The following AVP variants were observed in gnomAD, a reference collection of about 807,000 sequenced individuals.
AVP encodes the protein arginine vasopressin, also known as vasopressin-neurophysin 2-copeptin.
Under a neutral mutation model 11.1 loss-of-function variants are expected in AVP, and 9 were observed. The ratio of observed to expected loss-of-function variants is 0.81; its 90% CI spans 0.49 to 1.42. AVP has a LOEUF of 1.42. AVP is among the 40% of genes most tolerant of loss of function. The probability of loss-of-function intolerance (pLI) is 0.00; values close to 1 mark genes in which losing one functional copy is unlikely to be tolerated. For synonymous variants in AVP, 106 were observed against 111.3 expected, an observed-to-expected ratio of 0.95 and a Z score of 0.30; for missense variants, 206 against 238.5, an observed-to-expected ratio of 0.86 and a Z score of 0.90.
Position 3,083,455 on chromosome 20 carries a change from G to A in AVP, c.121-277C>T, listed in dbSNP as rs2066122041. On this transcript the variant is annotated intron_variant, in intron 1 of 2. Transcript: ENST00000380293. This position sits in a 1 kb window ranked among gnomAD's most constrained non-coding sequence, Gnocchi z 5.4. ...AGGGACGGGTCTCCCGTGGACTACA[G>A]CGTGGGGAACCCTTCCTCGAGCCTC... 6.6e-6 allele frequency among the ~76,000 whole-genome samples: 1 copy of A among 152,150 alleles called. No individual in the cohort carries two copies. Among genetic ancestry groups the A allele is most frequent in the Non-Finnish European group, 1.5e-5 (1 of 68,012 alleles).
Position 3,084,603 on chromosome 20 carries a change from G to A in AVP, c.72C>T (p.Asn24=), listed in dbSNP as rs750939534. The stretch of plus-strand genomic sequence containing the variant: ...TGGCCCTCTTGCCGCCCCTCGGGCA[G>A]TTCTGGAAGTAGCACGCGGAGGAGA... The part of the protein sequence containing the change: ...LAFSSACYFQ[N]CPRGGKRAMS... The change falls in exon 1 of 3, where the codon AAC becomes AAT. Residue 24 remains asparagine, a synonymous_variant. Transcript: ENST00000380293. 6.8e-6 allele frequency: 11 copies of A among 1,613,872 alleles called. No individual in the cohort carries two copies. The Admixed American group carries it at 1.3e-4, about 20-fold the overall frequency.
intron 1 of AVP, among the ~76,000 whole-genome samples, chr20:3,084,031 A>G (rs1337622892): frequency 2.0e-5 from 3 of 152,238 alleles, no homozygotes; most frequent in Admixed American, 1.3e-4. Flanking sequence ...GTCCAGCACT[A>G]TAGAATTAGG....
chr20:3,084,272 A>G (rs1378432491), intron 1 of AVP, among the ~76,000 whole-genome samples: 1 of 152,180 alleles, frequency 6.6e-6, no homozygotes, highest in Non-Finnish European at 1.5e-5. Flanking sequence ...TCCAGCCCCA[A>G]GCCCAGTCAC....
In AVP at chr20:3,083,172, G is replaced by T. The variant is rs539928673; in HGVS notation, c.127C>A (p.Pro43Thr). 4 of 1,493,928 alleles carry T rather than the reference G, an allele frequency of 2.7e-6. No individual in the cohort carries two copies. The Admixed American group carries it at 8.6e-5, about 32-fold the overall frequency. 92.5% of individuals were successfully genotyped at this position (1,493,928 alleles called of 1,614,324 possible). ...MSDLELRQCL[P>T]CGPGGKGRCF... ...CGGCCTTTGCCCCCGGGGCCGCAGG[G>T]GAGGCACTGCGGGGACGGGCGGGGT... Residue 43 changes from proline (P) to threonine (T), a missense_variant, in exon 2 of 3, where the codon CCC becomes ACC. By Grantham distance (38) the Pro-to-Thr change is conservative. Coordinates refer to ENST00000380293, the MANE Select transcript of AVP (RefSeq NM_000490.5). The surrounding 1 kb of genome is among the most constrained non-coding windows in gnomAD (Gnocchi z 5.4).
At position 3,082,864 on chromosome 20, in the gene AVP, C is replaced by G. The variant is rs917977387; in HGVS notation, c.323-62G>C. 848 of 1,223,954 alleles carry G rather than the reference C, an allele frequency of 6.9e-4. 7 individuals are homozygous for G. The African/African-American group carries it at 0.012, about 18-fold the overall frequency. The allele number at this position is 1,223,954 out of a possible 1,614,324, so 75.8% of individuals were successfully genotyped here. A position where few individuals can be genotyped will look rare whatever the true frequency, so the allele number is the denominator to read the frequency against. Reference sequence around the variant, plus strand: ...CGGGCGCAGCTCGGGGTGCGGGGGGCCCACACCCTCCCTGCCGGGCCCGAC... The same window carrying G: ...CGGGCGCAGCTCGGGGTGCGGGGGGGCCACACCCTCCCTGCCGGGCCCGAC... On this transcript the variant is annotated intron_variant, in intron 2 of 2. Transcript: ENST00000380293. This position sits in a 1 kb window ranked among gnomAD's most constrained non-coding sequence, Gnocchi z 4.7.
At position 3,082,947 on chromosome 20, in the gene AVP, C is replaced by CCG. The variant is rs2066118502; in HGVS notation, c.322+29_322+30insCG. Reference sequence around the variant, plus strand: ...CCCCACCCAAGCGGTCTGCGCCCCCCCCAGCCCCAGGCCCGCCCCCGCCGC... The same window carrying CCG: ...CCCCACCCAAGCGGTCTGCGCCCCCCCGCCAGCCCCAGGCCCGCCCCCGCCGC... On this transcript the variant is annotated intron_variant, in intron 2 of 2. Coordinates refer to ENST00000380293, the MANE Select transcript of AVP (RefSeq NM_000490.5). This position sits in a 1 kb window ranked among gnomAD's most constrained non-coding sequence, Gnocchi z 4.7. 1 of 1,346,826 alleles carries CCG rather than the reference C, an allele frequency of 7.4e-7. No homozygotes were observed. Among genetic ancestry groups the CCG allele is most frequent in the African/African-American group, 1.5e-5 (1 of 65,036 alleles). 83.4% of individuals were successfully genotyped at this position (1,346,826 alleles called of 1,614,324 possible). A position where few individuals can be genotyped will look rare whatever the true frequency, so the allele number is the denominator to read the frequency against.
rs759299430 is a variant in AVP at position 3,083,014 on chromosome 20, C to G, written c.285G>C (p.Gly95=). The change falls in exon 2 of 3, where the codon GGG becomes GGC. Residue 95 remains glycine (G), a synonymous_variant. Transcript: ENST00000380293. This position sits in a 1 kb window ranked among gnomAD's most constrained non-coding sequence, Gnocchi z 5.4. ...CQSGQKACGS[G]GRCAAFGVCC... Reference sequence around the variant, plus strand: ...AAACGCCGAAGGCGGCGCAGCGGCCCCCGCTCCCGCACGCCTTCTGGCCGG... The same window carrying G: ...AAACGCCGAAGGCGGCGCAGCGGCCGCCGCTCCCGCACGCCTTCTGGCCGG... 2 of 1,542,114 alleles carry G rather than the reference C, an allele frequency of 1.3e-6. No individual in the cohort carries two copies. The highest frequency in any genetic ancestry group is 1.7e-6 in the Non-Finnish European group (2 of 1,154,814).
rs1004084536 is a variant in AVP, at chr20:3,084,714, G to A, written c.-40C>T. ...GTGGACCCCGTATGCAGCACTGCTT[G>A]GTGGCTCTGTGCTGCTGCCTCTGCT... On this transcript the variant is annotated 5_prime_UTR_variant, in exon 1 of 3. Coordinates refer to ENST00000380293, the MANE Select transcript of AVP (RefSeq NM_000490.5). The A allele has an allele frequency of 1.2e-6, 2 of 1,610,692 alleles. No homozygotes were observed. Among genetic ancestry groups the A allele is most frequent in the African/African-American group, 1.3e-5 (1 of 74,918 alleles).
chr20:3,082,679 A>G lies in AVP; in HGVS notation c.446T>C (p.Leu149Pro). 7.8e-6 allele frequency: 10 copies of G among 1,287,548 alleles called. No individual in the cohort carries two copies. Among genetic ancestry groups the G allele is most frequent in the Non-Finnish European group, 9.8e-6 (10 of 1,020,784 alleles). The allele number at this position is 1,287,548 out of a possible 1,614,324, so 79.8% of individuals were successfully genotyped here. ...CTCGAAGGGCTCGGGCGCCCCGGCC[A>G]GCTGCACCAGCCGCAGCAGCAAGGC... is the stretch of plus-strand genomic sequence containing the variant. ...AGALLLRLVQLAGAPEPFEPA... is the reference protein window; with the variant it reads ...AGALLLRLVQPAGAPEPFEPA... Residue 149 changes from leucine (L) to proline (P), a missense_variant, in exon 3 of 3, where the codon CTG becomes CCG. This residue lies in a region of AVP where 106 missense variants were observed against 89.2 expected (regional missense o/e 1.19). Transcript: ENST00000380293. The surrounding 1 kb of genome is among the most constrained non-coding windows in gnomAD (Gnocchi z 4.7).
In AVP at chr20:3,082,967, C is replaced by A; in HGVS notation, c.322+10G>T. 1 of 1,444,124 alleles carries A rather than the reference C, an allele frequency of 6.9e-7. No homozygotes were observed. The highest frequency in any genetic ancestry group is 1.4e-5 in the South Asian group (1 of 72,238). The allele number at this position is 1,444,124 out of a possible 1,614,324, so 89.5% of individuals were successfully genotyped here. A position where few individuals can be genotyped will look rare whatever the true frequency, so the allele number is the denominator to read the frequency against. On this transcript the variant is annotated intron_variant, in intron 2 of 2. Transcript: ENST00000380293. The surrounding 1 kb of genome is among the most constrained non-coding windows in gnomAD (Gnocchi z 4.7). ...CCCCCCCCAGCCCCAGGCCCGCCCC[C>A]GCCGCGCACCGTCGTTGCAGCAAAC...
intron 1 of AVP, among the ~76,000 whole-genome samples, chr20:3,084,149 C>T (rs1338659044): frequency 6.6e-6 from 1 of 152,182 alleles, no homozygotes; most frequent in Non-Finnish European, 1.5e-5. Context: ...GAGGCTGGGG[C>T]TGGATGAGGA....
rs2066123855 is a variant in AVP, at chr20:3,083,774, A to G, written c.121-596T>C. On this transcript the variant is annotated intron_variant, in intron 1 of 2. Coordinates refer to ENST00000380293, the MANE Select transcript of AVP (RefSeq NM_000490.5). The surrounding 1 kb of genome is among the most constrained non-coding windows in gnomAD (Gnocchi z 5.4). ...GGCAGGGGCCTGAGACCTAGAGGCG[A>G]GCACGGACACCCAGGTGCCTCAGGA... 1.3e-5 allele frequency among the ~76,000 whole-genome samples: 2 copies of G among 152,176 alleles called. No individual in the cohort carries two copies. Among genetic ancestry groups the G allele is most frequent in the African/African-American group, 4.8e-5 (2 of 41,428 alleles).
Position 3,084,463 on chromosome 20 carries a change from C to G in AVP, c.120+92G>C, listed in dbSNP as rs777272590. On this transcript the variant is annotated intron_variant, in intron 1 of 2. Coordinates refer to ENST00000380293, the MANE Select transcript of AVP (RefSeq NM_000490.5). ...CCCGAACTTCCCCTAAAGGCTACCA[C>G]CACCCATGACTTCCCTCTTTCCTAG... 1.9e-6 allele frequency: 3 copies of G among 1,599,136 alleles called. No individual in the cohort carries two copies. In the Admixed American group the frequency reaches 5.0e-5, roughly 27 times the overall value.
In AVP at chr20:3,082,933, C is replaced by T; in HGVS notation, c.322+44G>A. On this transcript the variant is annotated intron_variant, in intron 2 of 2. Transcript: ENST00000380293. This position sits in a 1 kb window ranked among gnomAD's most constrained non-coding sequence, Gnocchi z 4.7. ...CAGGCCCGCGTCCCCCCCACCCAAG[C>T]GGTCTGCGCCCCCCCCAGCCCCAGG... is the stretch of plus-strand genomic sequence containing the variant. The T allele has an allele frequency of 9.1e-7, 1 of 1,095,334 alleles. No individual in the cohort carries two copies. The allele number at this position is 1,095,334 out of a possible 1,614,324, so 67.9% of individuals were successfully genotyped here.
rs2066117084 is a variant in AVP, at chr20:3,082,820, G to C, written c.323-18C>G. 1 of 1,228,776 alleles carries C rather than the reference G, an allele frequency of 8.1e-7. No homozygotes were observed. The highest frequency in any genetic ancestry group is 1.0e-6 in the Non-Finnish European group (1 of 986,478). The allele number at this position is 1,228,776 out of a possible 1,614,324, so 76.1% of individuals were successfully genotyped here. Reference sequence around the variant, plus strand: ...GCAGCTCTCTGCCGGGAGGACGTGTGAGCACGGGCGCCCTGGGGCGGGCGC... The same window carrying C: ...GCAGCTCTCTGCCGGGAGGACGTGTCAGCACGGGCGCCCTGGGGCGGGCGC... On this transcript the variant is annotated intron_variant, in intron 2 of 2. Transcript: ENST00000380293. This position sits in a 1 kb window ranked among gnomAD's most constrained non-coding sequence, Gnocchi z 4.7.
intron 1 of AVP, 119 bp downstream of exon 1, chr20:3,084,436 C>T: frequency 6.4e-7 from 1 of 1,554,710 alleles, no homozygotes; most frequent in South Asian, 1.1e-5. Context: ...CCCTCTTCCT[C>T]CCCCGAACTT....
chr20:3,083,087 T>C lies in AVP; in HGVS notation c.212A>G (p.Glu71Gly). 6.4e-7 allele frequency: 1 copy of C among 1,560,864 alleles called. No individual in the cohort carries two copies. Among genetic ancestry groups the C allele is most frequent in the East Asian group, 2.5e-5 (1 of 40,674 alleles). Reference sequence around the variant, plus strand: ...GTTCTCCTCCTGGCAGCGCAGCGCCTCAGCCGTGCCCACGAAGCAGCCCAG... The same window carrying C: ...GTTCTCCTCCTGGCAGCGCAGCGCCCCAGCCGTGCCCACGAAGCAGCCCAG... ...DELGCFVGTA[E>G]ALRCQEENYL... Residue 71 changes from glutamate to glycine, a missense_variant, in exon 2 of 3, where the codon GAG becomes GGG. Physicochemically the swap from Glu to Gly is moderately conservative, Grantham distance 98 (BLOSUM62 -2). Transcript: ENST00000380293. The surrounding 1 kb of genome is among the most constrained non-coding windows in gnomAD (Gnocchi z 5.4).
Position 3,082,930 on chromosome 20 carries a change from A to G in AVP, c.322+47T>C. On this transcript the variant is annotated intron_variant, in intron 2 of 2. Coordinates refer to ENST00000380293, the MANE Select transcript of AVP (RefSeq NM_000490.5). This position sits in a 1 kb window ranked among gnomAD's most constrained non-coding sequence, Gnocchi z 4.7. ...CCGCAGGCCCGCGTCCCCCCCACCC[A>G]AGCGGTCTGCGCCCCCCCCAGCCCC... is the stretch of plus-strand genomic sequence containing the variant. 4 of 744,058 alleles carry G rather than the reference A, an allele frequency of 5.4e-6. No homozygotes were observed. Among genetic ancestry groups the G allele is most frequent in the African/African-American group, 4.6e-5 (1 of 21,602 alleles). The allele number at this position is 744,058 out of a possible 1,614,324, so 46.1% of individuals were successfully genotyped here. A position where few individuals can be genotyped will look rare whatever the true frequency, so the allele number is the denominator to read the frequency against.
At chr20:3,084,480 C>T in intron 1 of AVP, 75 bp downstream of exon 1, 2 of 1,607,080 alleles carry the variant, frequency 1.2e-6, no homozygotes, top group East Asian at 2.2e-5. Flanking sequence ...TGACTTCCCT[C>T]TTTCCTAGCC....
Sources: gnomAD v4.1 joint callset for allele counts (sites outside exome capture counted in the v4.1 genomes callset) on GRCh38, gnomAD v4.1.1 for gene constraint, gnomAD v4.1.1 regional missense constraint, Gnocchi (gnomAD v3.1) non-coding constraint, MANE v1.5 for transcripts, NCBI Gene and HGNC (gene_info 2026-07-23, HGNC 2026-07-21) for gene names.